The following HELZ variants were observed in gnomAD, a reference collection of about 807,000 sequenced individuals.
The protein encoded by HELZ is helicase with zinc finger.
A neutral mutation model predicts 218.2 loss-of-function variants in HELZ; 23 were observed. The ratio of observed to expected loss-of-function variants is 0.11; its 90% CI spans 0.08 to 0.15. HELZ has a LOEUF of 0.15. Among genes scored for constraint, HELZ ranks in the 10% least tolerant of loss-of-function variants. HELZ has a pLI of 1.00. For synonymous variants in HELZ, 814 were observed against 829.4 expected (o/e 0.98, Z 0.32); for missense variants, 1,813 against 2,353.7 (o/e 0.77, Z 4.75).
chr17:67,114,307 G>C lies in HELZ; in HGVS notation c.3918+17C>G. 3 of 1,554,468 alleles carry C rather than the reference G, an allele frequency of 1.9e-6. No individual in the cohort carries two copies. The highest frequency in any genetic ancestry group is 2.7e-6 in the Non-Finnish European group (3 of 1,125,998). On this transcript the variant is annotated intron_variant, in intron 28 of 32. Coordinates refer to ENST00000358691, the MANE Select transcript of HELZ (RefSeq NM_014877.4). ...AGACTAAATCCACTAGGACAACACA[G>C]TAACTAAGCAGCATACCTGTTTTGG...
intron 31 of HELZ, among the ~76,000 whole-genome samples, chr17:67,096,280 A>G (rs916581482): frequency 3.3e-5 from 5 of 152,204 alleles, no homozygotes; most frequent in African/African-American, 1.2e-4. Context: ...ATTCAGCATC[A>G]TTCTTCAAAG....
rs1249564247 is a variant in HELZ, at chr17:67,123,096, A to C, written c.3504T>G (p.Leu1168=). 6.2e-7 allele frequency: 1 copy of C among 1,613,504 alleles called. No individual in the cohort carries two copies. Among genetic ancestry groups the C allele is most frequent in the Non-Finnish European group, 8.5e-7 (1 of 1,179,552 alleles). Residue 1168 remains leucine, a synonymous_variant, in exon 26 of 33, where the codon CTT becomes CTG. Coordinates refer to ENST00000358691, the MANE Select transcript of HELZ (RefSeq NM_014877.4). ...ATTTTCCCAAATTTGGGTGAGGTCCAAGAGGGGGTGGAGGAGTATATGCTC... is the reference window on the plus strand; with the variant it reads ...ATTTTCCCAAATTTGGGTGAGGTCCCAGAGGGGGTGGAGGAGTATATGCTC... The part of the protein sequence containing the change: ...PIRAYTPPPP[L]GPHPNLGKSP...
intron 1 of HELZ, chr17:67,244,057 C>A: frequency 1.2e-6 from 1 of 837,840 alleles, no homozygotes; most frequent in Non-Finnish European, 1.4e-6. Flanking sequence ...GCTCTTAAAA[C>A]TCAAAAACAT....
chr17:67,160,826 T>A (rs911349369), intron 16 of HELZ, 71 bp downstream of exon 16: 3 of 1,120,510 alleles, frequency 2.7e-6, no homozygotes, highest in Non-Finnish European at 3.8e-6. Context: ...CTAGCCCTCA[T>A]TGTGTATTTA....
chr17:67,151,313 TGGTA>T, intron 17 of HELZ, 89 bp from the exon 18 acceptor site: 2 of 1,045,110 alleles, frequency 1.9e-6, no homozygotes, highest in Non-Finnish European at 1.4e-6. Flanking sequence ...TATTTTAAGA[TGGTA>T]ATATCTGAAA....
At position 67,123,947 on chromosome 17, in the gene HELZ, T is replaced by C; in HGVS notation, c.3439+16A>G. On this transcript the variant is annotated intron_variant, in intron 25 of 32. Coordinates refer to ENST00000358691, the MANE Select transcript of HELZ (RefSeq NM_014877.4). ...ATCATAAAAGCAAGTTTTCATAGGG[T>C]AATTTTTCCACTTACCAATTCCATC... 1 of 1,594,198 alleles carries C rather than the reference T, an allele frequency of 6.3e-7. No individual in the cohort carries two copies. Among genetic ancestry groups the C allele is most frequent in the Non-Finnish European group, 8.6e-7 (1 of 1,162,564 alleles).
intron 27 of HELZ, among the ~76,000 whole-genome samples, chr17:67,118,574 G>A (rs745310051): frequency 4.0e-5 from 6 of 150,952 alleles, no homozygotes; most frequent in Non-Finnish European, 7.4e-5. Context: ...ATGAAAGCTA[G>A]ACACAGTGGC....
chr17:67,212,093 G>A (rs555280164), intron 5 of HELZ, among the ~76,000 whole-genome samples: 3 of 150,376 alleles, frequency 2.0e-5, no homozygotes, highest in Non-Finnish European at 4.4e-5. Flanking sequence ...AGGCCAAGGC[G>A]GGCAGATCAC....
At chr17:67,227,811 A>G (rs1012245632) in intron 3 of HELZ, among the ~76,000 whole-genome samples, 4 of 152,262 alleles carry the variant, frequency 2.6e-5, no homozygotes, top group African/African-American at 9.6e-5. Flanking sequence ...AAATCAAGTC[A>G]TGAAATATGC....
At chr17:67,186,295 C>G (rs1178454045) in intron 12 of HELZ, among the ~76,000 whole-genome samples, 2 of 152,082 alleles carry the variant, frequency 1.3e-5, no homozygotes, top group East Asian at 1.9e-4. Context: ...TGATGTCGTA[C>G]GAGGCTTCAG....
rs144104102 is a variant in HELZ, at chr17:67,116,619, C to A, written c.3839-2216G>T. ...AGGGACAAAGAAGGTCATTCCATAACGATAAACGAGTTAATTAATCAAGAG... is the reference window on the plus strand; with the variant it reads ...AGGGACAAAGAAGGTCATTCCATAAAGATAAACGAGTTAATTAATCAAGAG... On this transcript the variant is annotated intron_variant, in intron 27 of 32. Coordinates refer to ENST00000358691, the MANE Select transcript of HELZ (RefSeq NM_014877.4). 1.6e-3 allele frequency among the ~76,000 whole-genome samples: 238 copies of A among 152,090 alleles called. 1 individual carries two copies. Among genetic ancestry groups the A allele is most frequent in the African/African-American group, 5.3e-3 (219 of 41,506 alleles).
intron 31 of HELZ, among the ~76,000 whole-genome samples, chr17:67,099,039 G>A (rs545106821): frequency 1.5e-4 from 23 of 152,274 alleles, no homozygotes; most frequent in African/African-American, 5.1e-4. Flanking sequence ...TTCTGACAGA[G>A]AAATCCCTTT....
At chr17:67,215,352 T>C (rs1251589003) in intron 5 of HELZ, among the ~76,000 whole-genome samples, 4 of 140,724 alleles carry the variant, frequency 2.8e-5, no homozygotes. Context: ...ATTCAAACTT[T>C]TTTTTTTTTT....
chr17:67,079,840 A>G (rs1460426943), intron 32 of HELZ, among the ~76,000 whole-genome samples: 2 of 152,174 alleles, frequency 1.3e-5, no homozygotes, highest in Non-Finnish European at 2.9e-5. Flanking sequence ...TTTGCAGACT[A>G]CCTCTGTCCA....
At position 67,188,809 on chromosome 17, in the gene HELZ, G is replaced by A. The variant is rs1282251214; in HGVS notation, c.865-193C>T. 6.6e-6 allele frequency among the ~76,000 whole-genome samples: 1 copy of A among 151,954 alleles called. No individual in the cohort carries two copies. The highest frequency in any genetic ancestry group is 1.5e-5 in the Non-Finnish European group (1 of 67,978). On this transcript the variant is annotated intron_variant, in intron 11 of 32. Coordinates refer to ENST00000358691, the MANE Select transcript of HELZ (RefSeq NM_014877.4). The surrounding 1 kb of genome is among the most constrained non-coding windows in gnomAD (Gnocchi z 4.1). Reference sequence around the variant, plus strand: ...TAAAATTATTTATTTATGCTATATCGCTAGCCTCCCTTCTCTTCCTGTGAC... The same window carrying A: ...TAAAATTATTTATTTATGCTATATCACTAGCCTCCCTTCTCTTCCTGTGAC...
At chr17:67,132,124 T>C (rs1321765272) in intron 23 of HELZ, among the ~76,000 whole-genome samples, 3 of 152,204 alleles carry the variant, frequency 2.0e-5, no homozygotes, top group Non-Finnish European at 4.4e-5. Flanking sequence ...TTTTAATCAC[T>C]GCCTGAACAC....
At chr17:67,189,434 G>C (rs28367273) in intron 11 of HELZ, among the ~76,000 whole-genome samples, 155 bp downstream of exon 11, 1 of 151,900 alleles carries the variant, frequency 6.6e-6, no homozygotes, top group Non-Finnish European at 1.5e-5. Flanking sequence ...AATGATCAAA[G>C]TACAGAAATA....
rs2035880374 is a variant in HELZ at position 67,071,345 on chromosome 17, T to G, written c.*6907A>C. 6.6e-6 allele frequency: 1 copy of G among 152,426 alleles called. No homozygotes were observed. The highest frequency in any genetic ancestry group is 2.1e-4 in the South Asian group (1 of 4,826). 9.4% of individuals were successfully genotyped at this position (152,426 alleles called of 1,614,324 possible). ...CCTACTGAAAGATATAAAGAGGTCT[T>G]CGCATACAAGTTATCGTGCAAAGCA... is the stretch of plus-strand genomic sequence containing the variant. On this transcript the variant is annotated 3_prime_UTR_variant, in exon 33 of 33. Transcript: ENST00000358691.
At chr17:67,086,631 AATATATATATATATATAT>A (rs71139116) in intron 32 of HELZ, among the ~76,000 whole-genome samples, 180 bp downstream of exon 32, 27 of 93,318 alleles carry the variant, frequency 2.9e-4, no homozygotes, top group East Asian at 1.7e-3. Flanking sequence ...TATAAATATA[AATATATATATATATATAT>A]ATATATATAT....
Sources: gnomAD v4.1 joint callset for allele counts (sites outside exome capture counted in the v4.1 genomes callset) on GRCh38, gnomAD v4.1.1 for gene constraint, Gnocchi (gnomAD v3.1) non-coding constraint, MANE v1.5 for transcripts, NCBI Gene and HGNC (gene_info 2026-07-23, HGNC 2026-07-21) for gene names.